Variants in CSPP1 observed in about 807,000 individuals in gnomAD.
CSPP1 encodes centrosome and spindle pole-associated protein 1.
In CSPP1, 126 loss-of-function variants were observed where a neutral mutation model predicts 164.4. The ratio of observed to expected loss-of-function variants is 0.77; its 90% CI spans 0.66 to 0.89. The LOEUF is 0.89. Among genes scored for constraint, CSPP1 ranks in the 40% least tolerant of loss-of-function variants. The pLI is 0.00. For synonymous variants in CSPP1, 472 were observed against 476.7 expected (o/e 0.99, Z 0.13); for missense variants, 1,395 against 1,449.8 (o/e 0.96, Z 0.61).
intron 1 of CSPP1, among the ~76,000 whole-genome samples, chr8:67,072,254 C>T (rs1806958008): frequency 6.6e-6 from 1 of 151,494 alleles, no homozygotes; most frequent in South Asian, 2.1e-4. Flanking sequence ...CGCTACTGCA[C>T]TCCAGCCTGG....
rs564437579 is a variant in CSPP1 at position 67,116,895 on chromosome 8, T to A, written c.1496+773T>A. Among the ~76,000 whole-genome samples the A allele has an allele frequency of 3.0e-4, 45 of 152,334 alleles. 1 individual carries two copies. Among genetic ancestry groups the A allele is most frequent in the African/African-American group, 1.1e-3 (44 of 41,582 alleles). ...CAGTAGAAGTTGGTCTTTTAGTTAC[T>A]AACCAACTGTGGAAGTGTGTTTACT... On this transcript the variant is annotated intron_variant, in intron 13 of 30. Transcript: ENST00000678616.
At chr8:67,184,108 C>T (rs561384191) in intron 28 of CSPP1, among the ~76,000 whole-genome samples, 2 of 152,212 alleles carry the variant, frequency 1.3e-5, no homozygotes, top group South Asian at 4.1e-4. Flanking sequence ...CGGCCTTGGC[C>T]TCCCAAAGTG....
intron 17 of CSPP1, among the ~76,000 whole-genome samples, chr8:67,146,761 A>AT (rs147021529): frequency 0.016 from 2,373 of 152,258 alleles, 56 homozygotes; most frequent in African/African-American, 0.053. Context: ...ATTAAAATTA[A>AT]TTTTTTTATA....
intron 9 of CSPP1, among the ~76,000 whole-genome samples, chr8:67,111,614 C>T (rs1816855304): frequency 6.6e-6 from 1 of 152,064 alleles, no homozygotes; most frequent in Non-Finnish European, 1.5e-5. Flanking sequence ...TTTTGAGATG[C>T]TCGTTTGCGA....
chr8:67,135,641 A>G (rs577866173), intron 16 of CSPP1: 39 of 152,358 alleles, frequency 2.6e-4, no homozygotes, highest in African/African-American at 9.1e-4. Context: ...TTGATCTTCT[A>G]TTTAGACCAC....
intron 24 of CSPP1, among the ~76,000 whole-genome samples, chr8:67,168,158 G>A (rs1244354341): frequency 3.3e-5 from 5 of 152,158 alleles, no homozygotes; most frequent in Non-Finnish European, 7.3e-5. Flanking sequence ...CTAGTCAGGC[G>A]TGGTGGCGCG....
chr8:67,194,058 G>A (rs1368098193), intron 30 of CSPP1, among the ~76,000 whole-genome samples: 1 of 146,086 alleles, frequency 6.8e-6, no homozygotes, highest in Non-Finnish European at 1.5e-5. Flanking sequence ...GTCAAATAAA[G>A]CTAGTCGTCT....
At chr8:67,183,550 G>A (rs1044535040) in intron 28 of CSPP1, among the ~76,000 whole-genome samples, 4 of 152,054 alleles carry the variant, frequency 2.6e-5, no homozygotes, top group Non-Finnish European at 4.4e-5. Context: ...TCTAAATAAC[G>A]CATAGGTCAG....
At chr8:67,066,623 C>T (rs972937575) in intron 1 of CSPP1, among the ~76,000 whole-genome samples, 2 of 152,048 alleles carry the variant, frequency 1.3e-5, no homozygotes, top group African/African-American at 2.4e-5. Context: ...TTCGTATCTC[C>T]GGTGTATCCA....
intron 16 of CSPP1, among the ~76,000 whole-genome samples, chr8:67,134,694 G>C (rs1477456407): frequency 2.6e-5 from 4 of 151,656 alleles, no homozygotes; most frequent in African/African-American, 9.7e-5. Flanking sequence ...CGAATAGCTG[G>C]GACTATAGGC....
Position 67,158,462 on chromosome 8 carries a change from CAAAG to C in CSPP1, c.2259_2262del (p.Glu755LysfsTer7), listed in dbSNP as rs587777145. The C allele has an allele frequency of 8.8e-6, 14 of 1,597,554 alleles. No individual in the cohort carries two copies. The highest frequency in any genetic ancestry group is 1.7e-4 in the Middle Eastern group (1 of 5,986). On this transcript the variant is annotated frameshift_variant, in exon 20 of 31. Coordinates refer to ENST00000678616, the MANE Select transcript of CSPP1 (RefSeq NM_001382391.1). LOFTEE classifies it high-confidence loss of function. ...AATTCTTTAGATTGAGGAAAAGAAA[CAAAG>C]AGAGGAAGCAGAGCGAGAGAGACTG...
At chr8:67,128,171 G>T (rs1483011407) in intron 15 of CSPP1, among the ~76,000 whole-genome samples, 1 of 152,144 alleles carries the variant, frequency 6.6e-6, no homozygotes, top group Non-Finnish European at 1.5e-5. Flanking sequence ...ATTCAAAAAA[G>T]AACAACCAAA....
chr8:67,147,030 A>G (rs2129557327), intron 17 of CSPP1, among the ~76,000 whole-genome samples: 1 of 152,350 alleles, frequency 6.6e-6, no homozygotes, highest in Middle Eastern at 3.4e-3. Flanking sequence ...TTTGCTTGCT[A>G]AATCTGATAG....
intron 30 of CSPP1, among the ~76,000 whole-genome samples, chr8:67,194,326 T>G (rs1012386065): frequency 6.6e-6 from 1 of 152,242 alleles, no homozygotes; most frequent in African/African-American, 2.4e-5. Context: ...GTTAAGATTT[T>G]TTTAGATCCT....
chr8:67,118,047 G>A (rs947868903), intron 13 of CSPP1, among the ~76,000 whole-genome samples: 2 of 152,092 alleles, frequency 1.3e-5, no homozygotes, highest in Non-Finnish European at 2.9e-5. Flanking sequence ...TTACATAAAT[G>A]TACCTGAAAT....
chr8:67,096,518 T>A (rs1199572836), intron 7 of CSPP1, among the ~76,000 whole-genome samples: 2 of 150,484 alleles, frequency 1.3e-5, no homozygotes, highest in Non-Finnish European at 3.0e-5. Context: ...TGAGCAGAGA[T>A]CACGCCACTG....
At chr8:67,124,102 C>T (rs940533699) in intron 15 of CSPP1, among the ~76,000 whole-genome samples, 4 of 150,102 alleles carry the variant, frequency 2.7e-5, no homozygotes, top group South Asian at 2.1e-4. Flanking sequence ...GGTTTCACCG[C>T]GTTAGCCAGG....
chr8:67,119,075 T>C (rs926188361), intron 15 of CSPP1, among the ~76,000 whole-genome samples: 1 of 152,192 alleles, frequency 6.6e-6, no homozygotes. Context: ...CACCATTCTA[T>C]GTCTCTGATT....
intron 12 of CSPP1, 44 bp from the exon 13 acceptor site, chr8:67,115,870 C>G: frequency 6.6e-7 from 1 of 1,514,402 alleles, no homozygotes; most frequent in Non-Finnish European, 9.2e-7. Context: ...CACCTTTAAA[C>G]TTATGATTAT....
Sources: allele counts gnomAD v4.1 joint callset (sites outside exome capture counted in the v4.1 genomes callset), GRCh38; gene constraint gnomAD v4.1.1; transcripts MANE v1.5; gene names NCBI Gene and HGNC (gene_info 2026-07-23, HGNC 2026-07-21).